The following TPST1 variants were observed in gnomAD, a reference collection of about 807,000 sequenced individuals.
TPST1 encodes tyrosylprotein sulfotransferase 1, also known as protein-tyrosine sulfotransferase 1.
TPST1 carries 20 observed loss-of-function variants against 34.8 expected under a neutral mutation model. The observed-to-expected ratio is 0.57, with a 90% CI of 0.40 to 0.84. TPST1 has a LOEUF of 0.84. Ranked by LOEUF, TPST1 falls within the 40% of genes least tolerant of loss-of-function variation. The probability of loss-of-function intolerance (pLI) is 0.00; values close to 1 mark genes in which losing one functional copy is unlikely to be tolerated. For missense variants in TPST1, 353 were observed against 455.5 expected, an observed-to-expected ratio of 0.78 and a Z score of 2.05; for synonymous variants, 152 against 159.4, an observed-to-expected ratio of 0.95 and a Z score of 0.35.
At chr7:66,322,867 TGGTGCACAAAGGTTCCAG>T (rs1791785041) in intron 3 of TPST1, among the ~76,000 whole-genome samples, 1 of 26,574 alleles carries the variant, frequency 3.8e-5, no homozygotes, top group African/African-American at 2.3e-4. Flanking sequence ...AAGGTTCCAG[TGGTGCACAAAGGTTCCAG>T]TTTTCCACAG....
At chr7:66,271,375 C>A (rs111358624) in intron 2 of TPST1, among the ~76,000 whole-genome samples, 6,468 of 152,294 alleles carry the variant, frequency 0.042, 211 homozygotes, top group Non-Finnish European at 0.068. Context: ...GACGGGGTTT[C>A]ACCCTGTTAG....
intron 1 of TPST1, among the ~76,000 whole-genome samples, chr7:66,227,741 T>TC (rs1236017768): frequency 6.6e-6 from 1 of 151,858 alleles, no homozygotes; most frequent in Admixed American, 6.6e-5. Context: ...TTTTTTTTTT[T>TC]TCTCAGATTT....
rs554442904 is a variant in TPST1 at position 66,283,454 on chromosome 7, A to G, written c.846-3057A>G. ...AAATATTTTAGATTTTGCAAGCCAT[A>G]TGGTCTCTTCCTCAGCTACTCAACT... On this transcript the variant is annotated intron_variant, in intron 2 of 5. Transcript: ENST00000304842. 2.6e-5 allele frequency among the ~76,000 whole-genome samples: 4 copies of G among 152,254 alleles called. No homozygotes were observed. The South Asian group carries it at 6.2e-4, about 24-fold the overall frequency.
chr7:66,356,739 C>T lies in TPST1; in HGVS notation c.1096-86C>T, dbSNP rs1051041323. 20 of 1,509,394 alleles carry T rather than the reference C, an allele frequency of 1.3e-5. No individual in the cohort carries two copies. In the East Asian group the frequency reaches 4.5e-4, roughly 34 times the overall value. 93.5% of individuals were successfully genotyped at this position (1,509,394 alleles called of 1,614,324 possible). A position where few individuals can be genotyped will look rare whatever the true frequency, so the allele number is the denominator to read the frequency against. On this transcript the variant is annotated intron_variant, in intron 4 of 5. Transcript: ENST00000304842. ...TCTGAAAGTGAACAGAGCCTGCGGG[C>T]CACCCCTCATGTTTCAGTGGGGACG...
At chr7:66,310,813 A>ATTTT (rs1034885723) in intron 3 of TPST1, among the ~76,000 whole-genome samples, 7 of 151,230 alleles carry the variant, frequency 4.6e-5, no homozygotes, top group Non-Finnish European at 7.4e-5. Context: ...GTATTTATTT[A>ATTTT]TTTATTTATT....
intron 1 of TPST1, among the ~76,000 whole-genome samples, chr7:66,224,235 T>C (rs1398307824): frequency 6.6e-6 from 1 of 152,234 alleles, no homozygotes; most frequent in African/African-American, 2.4e-5. Context: ...AAGCTGTCAT[T>C]CAAAATCAGT....
intron 1 of TPST1, among the ~76,000 whole-genome samples, chr7:66,214,963 AATAATTT>A (rs1430178750): frequency 1.5e-4 from 12 of 81,216 alleles, no homozygotes; most frequent in Non-Finnish European, 2.8e-4. Context: ...TATTACACTA[AATAATTT>A]ATAAGATATA....
intron 1 of TPST1, among the ~76,000 whole-genome samples, chr7:66,220,452 A>C (rs957769746): frequency 1.3e-5 from 2 of 152,150 alleles, no homozygotes; most frequent in African/African-American, 2.4e-5. Context: ...GTGAGATGTG[A>C]TATAGGGTAA....
upstream of TPST1, among the ~76,000 whole-genome samples, chr7:66,204,260 G>A (rs1789074951): frequency 6.6e-6 from 1 of 152,188 alleles, no homozygotes; most frequent in South Asian, 2.1e-4. Flanking sequence ...CAACATGGAT[G>A]AACTTTGAAA....
intron 1 of TPST1, among the ~76,000 whole-genome samples, chr7:66,226,352 T>C (rs1006870567): frequency 1.3e-5 from 2 of 152,108 alleles, no homozygotes; most frequent in Non-Finnish European, 2.9e-5. Flanking sequence ...CTTTGAAGAA[T>C]AGGTAAGATT....
intron 1 of TPST1, among the ~76,000 whole-genome samples, chr7:66,206,074 T>C (rs536856320): frequency 1.3e-5 from 2 of 151,488 alleles, no homozygotes; most frequent in African/African-American, 4.8e-5. Context: ...CTTCTCTTAC[T>C]CTTAAACCTC....
chr7:66,257,887 G>T (rs147411534), intron 2 of TPST1, among the ~76,000 whole-genome samples: 1 of 152,128 alleles, frequency 6.6e-6, no homozygotes, highest in Non-Finnish European at 1.5e-5. Context: ...CCACCACAAA[G>T]GTTGTATTTT....
At chr7:66,296,087 T>C (rs1424386963) in intron 3 of TPST1, among the ~76,000 whole-genome samples, 1 of 152,342 alleles carries the variant, frequency 6.6e-6, no homozygotes, top group Non-Finnish European at 1.5e-5. Flanking sequence ...TTTTCCTACA[T>C]GCAAATTGGC....
At chr7:66,295,775 G>A (rs1791180588) in intron 3 of TPST1, among the ~76,000 whole-genome samples, 1 of 152,018 alleles carries the variant, frequency 6.6e-6, no homozygotes, top group South Asian at 2.1e-4. Context: ...GGGATTATAG[G>A]CACATGCTAC....
chr7:66,218,571 C>T (rs550443676), intron 1 of TPST1, among the ~76,000 whole-genome samples: 3 of 152,220 alleles, frequency 2.0e-5, no homozygotes, highest in East Asian at 1.9e-4. Flanking sequence ...TAGGGCTGGG[C>T]GCGGTGGCTC....
intron 2 of TPST1, among the ~76,000 whole-genome samples, chr7:66,282,699 G>A (rs901469811): frequency 6.6e-6 from 1 of 152,198 alleles, no homozygotes; most frequent in African/African-American, 2.4e-5. Flanking sequence ...AGCCCAGAGA[G>A]CTGATGCGGG....
chr7:66,321,784 G>T (rs929285323), intron 3 of TPST1, among the ~76,000 whole-genome samples: 5 of 152,076 alleles, frequency 3.3e-5, no homozygotes, highest in African/African-American at 1.2e-4. Flanking sequence ...TTTCTTCCTC[G>T]TGTCTATTGA....
intron 1 of TPST1, among the ~76,000 whole-genome samples, chr7:66,219,854 T>C (rs541673540): frequency 1.3e-5 from 2 of 152,230 alleles, no homozygotes; most frequent in Non-Finnish European, 1.5e-5. Context: ...TTTTATTCCT[T>C]CTGGGCCTCA....
chr7:66,284,805 C>T (rs1791002960), intron 2 of TPST1, among the ~76,000 whole-genome samples: 1 of 152,084 alleles, frequency 6.6e-6, no homozygotes, highest in African/African-American at 2.4e-5. Flanking sequence ...AATCCACCCA[C>T]TTTGGTCTCC....
Sources: allele counts gnomAD v4.1 joint callset (sites outside exome capture counted in the v4.1 genomes callset), GRCh38; gene constraint gnomAD v4.1.1; transcripts MANE v1.5; gene names NCBI Gene and HGNC (gene_info 2026-07-23, HGNC 2026-07-21).